Variants in FCRL5 observed in about 807,000 individuals in gnomAD.
FCRL5 encodes Fc receptor like 5.
FCRL5 carries 79 observed loss-of-function variants against 92.1 expected under a neutral mutation model. The ratio of observed to expected loss-of-function variants is 0.86; its 90% CI spans 0.72 to 1.03. The LOEUF (loss-of-function observed/expected upper bound fraction) is 1.03. Ranked by LOEUF, FCRL5 falls within the 50% of genes least tolerant of loss-of-function variation. The pLI is 0.00. For missense variants in FCRL5, 1,160 were observed against 1,181.1 expected, an observed-to-expected ratio of 0.98 and a Z score of 0.26; for synonymous variants, 466 against 469.3, an observed-to-expected ratio of 0.99 and a Z score of 0.09.
In FCRL5 at chr1:157,515,543, G is replaced by A. The variant is rs749941677; in HGVS notation, c.*132C>T. ...CCTGCATTCTGGTCAGACTGAGAAT[G>A]AGGACATGTGAAACAAAGGCCAGTA... is the stretch of plus-strand genomic sequence containing the variant. On this transcript the variant is annotated 3_prime_UTR_variant, in exon 17 of 17. Transcript: ENST00000361835. The A allele has an allele frequency of 5.9e-5, 93 of 1,585,404 alleles. No individual in the cohort carries two copies. Among genetic ancestry groups the A allele is most frequent in the Non-Finnish European group, 7.7e-5 (89 of 1,158,534 alleles).
chr1:157,549,882 A>G (rs926767580), intron 1 of FCRL5, among the ~76,000 whole-genome samples: 3 of 152,146 alleles, frequency 2.0e-5, no homozygotes, highest in South Asian at 2.1e-4. Context: ...TGTAAGTGCA[A>G]TAACAGAAAT....
intron 4 of FCRL5, 132 bp downstream of exon 4, chr1:157,544,699 C>T: frequency 7.0e-7 from 1 of 1,432,736 alleles, no homozygotes; most frequent in Non-Finnish European, 9.7e-7. Context: ...ACTATACTTC[C>T]TCTGCTCCTT....
chr1:157,544,676 A>G lies in FCRL5; in HGVS notation c.560-130T>C, dbSNP rs1417846137. 6 of 1,408,764 alleles carry G rather than the reference A, an allele frequency of 4.3e-6. No individual in the cohort carries two copies. The Admixed American group carries it at 1.2e-4, about 28-fold the overall frequency. The allele number at this position is 1,408,764 out of a possible 1,614,324, so 87.3% of individuals were successfully genotyped here. ...ATGCCATTGATCCCTAGCTTCCTTCAGCCCAAAACACTACTATACTTCCTC... is the reference window on the plus strand; with the variant it reads ...ATGCCATTGATCCCTAGCTTCCTTCGGCCCAAAACACTACTATACTTCCTC... On this transcript the variant is annotated intron_variant, in intron 4 of 16. Transcript: ENST00000361835.
chr1:157,544,689 A>C, intron 4 of FCRL5, 142 bp downstream of exon 4: 1 of 1,415,084 alleles, frequency 7.1e-7, no homozygotes, highest in Non-Finnish European at 9.8e-7. Context: ...CCAAAACACT[A>C]CTATACTTCC....
At chr1:157,536,186 C>T (rs772326293) in intron 7 of FCRL5, among the ~76,000 whole-genome samples, 3 of 152,124 alleles carry the variant, frequency 2.0e-5, no homozygotes, top group Non-Finnish European at 4.4e-5. Context: ...AGGTGATCCA[C>T]CTGCCTCAGC....
Position 157,527,723 on chromosome 1 carries a change from A to T in FCRL5, c.1854T>A (p.Ala618=), listed in dbSNP as rs1225872471. 1 of 1,614,204 alleles carries T rather than the reference A, an allele frequency of 6.2e-7. No individual in the cohort carries two copies. Among genetic ancestry groups the T allele is most frequent in the East Asian group, 2.2e-5 (1 of 44,874 alleles). ...GSSSAPSGGE[A]SFNLSLTAEH... ...CTGCAGTCAGAGAGAGGTTGAAAGA[A>T]GCTTCTCCTCCAGAGGGGGCTGAGC... The change falls in exon 9 of 17, where the codon GCT becomes GCA. Residue 618 remains alanine (A), a synonymous_variant. Coordinates refer to ENST00000361835, the MANE Select transcript of FCRL5 (RefSeq NM_031281.3).
rs113006596 is a variant in FCRL5, at chr1:157,552,471, C to T, written c.-109G>A. 2.8e-5 allele frequency: 32 copies of T among 1,130,238 alleles called. No individual in the cohort carries two copies. Among genetic ancestry groups the T allele is most frequent in the African/African-American group, 2.3e-4 (15 of 65,582 alleles). The allele number at this position is 1,130,238 out of a possible 1,614,324, so 70.0% of individuals were successfully genotyped here. A position where few individuals can be genotyped will look rare whatever the true frequency, so the allele number is the denominator to read the frequency against. On this transcript the variant is annotated 5_prime_UTR_variant, in exon 1 of 17. Coordinates refer to ENST00000361835, the MANE Select transcript of FCRL5 (RefSeq NM_031281.3). ...GACACTGCACACCAGCTCCAAGGAGCACATCTGAGAAGCTGTGCTCTCAAA... is the reference window on the plus strand; with the variant it reads ...GACACTGCACACCAGCTCCAAGGAGTACATCTGAGAAGCTGTGCTCTCAAA...
chr1:157,521,206 G>A lies in FCRL5; in HGVS notation c.2326C>T (p.Leu776=), dbSNP rs1350131095. 1.9e-6 allele frequency: 3 copies of A among 1,614,124 alleles called. No individual in the cohort carries two copies. The highest frequency in any genetic ancestry group is 3.3e-5 in the Admixed American group (2 of 60,018). ...TACAGGATCAGGGGAGAGCCTCTCA[G>A]GGCCTCACAGTGAAGCTCCAGCAGG... The part of the protein sequence containing the change: ...GDLLELHCEA[L]RGSPLILYRF... The change falls in exon 11 of 17, where the codon CTG becomes TTG. Residue 776 remains leucine, a synonymous_variant. Transcript: ENST00000361835.
At chr1:157,546,764 C>T (rs776145456) in intron 3 of FCRL5, among the ~76,000 whole-genome samples, 179 bp downstream of exon 3, 4 of 152,196 alleles carry the variant, frequency 2.6e-5, no homozygotes, top group Non-Finnish European at 5.9e-5. Context: ...TAAAATTAAG[C>T]AGCTAACCCC....
At chr1:157,542,661 A>C in intron 6 of FCRL5, 198 bp downstream of exon 6, 1 of 627,770 alleles carries the variant, frequency 1.6e-6, no homozygotes. Flanking sequence ...AGGCAGGGGT[A>C]TAAGGGCACC....
chr1:157,519,591 G>T, intron 13 of FCRL5, 152 bp downstream of exon 13: 4 of 781,410 alleles, frequency 5.1e-6, no homozygotes, highest in South Asian at 3.2e-5. Flanking sequence ...ATTGCCTTAA[G>T]ATATCCCCAG....
In FCRL5 at chr1:157,527,654, C is replaced by A; in HGVS notation, c.1923G>T (p.Val641=). The part of the protein sequence containing the change: ...NYSCEANNGL[V]AQHSDTISLS... ...GTGATATTGTGTCACTGTGCTGGGCCACTAGGCCATTGTTGGCCTCACATG... is the reference window on the plus strand; with the variant it reads ...GTGATATTGTGTCACTGTGCTGGGCAACTAGGCCATTGTTGGCCTCACATG... Residue 641 remains valine, a synonymous_variant, in exon 9 of 17, where the codon GTG becomes GTT. Coordinates refer to ENST00000361835, the MANE Select transcript of FCRL5 (RefSeq NM_031281.3). 1.2e-6 allele frequency: 2 copies of A among 1,613,644 alleles called. No homozygotes were observed. Among genetic ancestry groups the A allele is most frequent in the Non-Finnish European group, 1.7e-6 (2 of 1,179,704 alleles).
At chr1:157,523,329 C>T (rs59879420) in intron 10 of FCRL5, among the ~76,000 whole-genome samples, 5 of 152,250 alleles carry the variant, frequency 3.3e-5, no homozygotes, top group South Asian at 4.1e-4. Flanking sequence ...GGAACCTGTA[C>T]GTCTGCATAA....
chr1:157,534,327 G>C (rs187528390), intron 8 of FCRL5: 1 of 707,670 alleles, frequency 1.4e-6, no homozygotes. Flanking sequence ...CACGCTCCGT[G>C]CATCAAGAAA....
intron 6 of FCRL5, among the ~76,000 whole-genome samples, 158 bp from the exon 7 acceptor site, chr1:157,539,522 A>G (rs1651148359): frequency 6.6e-6 from 1 of 152,246 alleles, no homozygotes; most frequent in Admixed American, 6.5e-5. Flanking sequence ...TTATTCCTTA[A>G]TAAGATAACT....
rs1258583641 is a variant in FCRL5, at chr1:157,539,122, G to T, written c.1366C>A (p.Pro456Thr). 6 of 1,613,986 alleles carry T rather than the reference G, an allele frequency of 3.7e-6. No individual in the cohort carries two copies. The highest frequency in any genetic ancestry group is 1.3e-5 in the African/African-American group (1 of 74,930). Residue 456 changes from proline (P) to threonine (T), a missense_variant, in exon 7 of 17, where the codon CCC becomes ACC. Coordinates refer to ENST00000361835, the MANE Select transcript of FCRL5 (RefSeq NM_031281.3). Reference sequence around the variant, plus strand: ...AGGCTCACCGCCTTACTGCGCTGGGGGCCAAAGCCATTGTCAGCTGTGCAG... The same window carrying T: ...AGGCTCACCGCCTTACTGCGCTGGGTGCCAAAGCCATTGTCAGCTGTGCAG... ...YYCTADNGFGPQRSKAVSLSV... is the reference protein window; with the variant it reads ...YYCTADNGFGTQRSKAVSLSV...
In FCRL5 at chr1:157,545,085, A is replaced by G. The variant is rs759653317; in HGVS notation, c.308-3T>C. ...TGGAGCTTGCAGGATCAGCGAAGCT[A>G]TGAGAAACACAATAGAGTTATTTGG... On this transcript the variant is annotated splice_region_variant and splice_polypyrimidine_tract_variant and intron_variant, in intron 3 of 16. Transcript: ENST00000361835. The G allele has an allele frequency of 1.9e-6, 3 of 1,611,970 alleles. No homozygotes were observed. The highest frequency in any genetic ancestry group is 2.5e-6 in the Non-Finnish European group (3 of 1,179,950).
chr1:157,525,245 G>A (rs986387496), intron 9 of FCRL5, among the ~76,000 whole-genome samples: 5 of 152,212 alleles, frequency 3.3e-5, no homozygotes, highest in Non-Finnish European at 7.3e-5. Context: ...TGTTAGTCAA[G>A]GAAAGCTTCC....
chr1:157,522,713 G>T (rs900368900), intron 10 of FCRL5: 10 of 152,140 alleles, frequency 6.6e-5, no homozygotes, highest in Non-Finnish European at 1.5e-4. Context: ...ATTCATTCAG[G>T]CTGGGCAAGA....
Sources: gnomAD v4.1 joint callset for allele counts (sites outside exome capture counted in the v4.1 genomes callset) on GRCh38, gnomAD v4.1.1 for gene constraint, MANE v1.5 for transcripts, NCBI Gene and HGNC (gene_info 2026-07-23, HGNC 2026-07-21) for gene names.